The following SAMD5 variants were observed in gnomAD, a reference collection of about 807,000 sequenced individuals.
SAMD5 encodes the protein sterile alpha motif domain-containing protein 5.
SAMD5 carries 13 observed loss-of-function variants against 11.3 expected under a neutral mutation model. That is an observed-to-expected ratio of 1.15 (90% CI 0.75 to 1.83). The LOEUF is 1.83. Among genes scored for constraint, SAMD5 ranks in the 40% most tolerant of loss-of-function variants. SAMD5 has a pLI of 0.00. For missense variants in SAMD5, 255 were observed against 239.1 expected, an observed-to-expected ratio of 1.07 and a Z score of -0.44; for synonymous variants, 129 against 111.3, an observed-to-expected ratio of 1.16 and a Z score of -1.00.
the SAMD5 span, among the ~76,000 whole-genome samples, chr6:147,894,743 A>G: frequency 3.3e-5 from 5 of 152,318 alleles, no homozygotes; most frequent in East Asian, 3.9e-4. Flanking sequence ...GTGTTTTACT[A>G]TATTCAAGAC....
At chr6:147,739,938 GC>G (rs1791856106), downstream of SAMD5, among the ~76,000 whole-genome samples, 3 of 152,054 alleles carry the variant, frequency 2.0e-5, no homozygotes, top group South Asian at 6.2e-4. Context: ...TCCTGTCTCA[GC>G]CCCCCAAATA....
intron 1 of SAMD5, among the ~76,000 whole-genome samples, chr6:147,702,126 G>GA (rs538693308): frequency 5.9e-5 from 9 of 152,318 alleles, no homozygotes; most frequent in Middle Eastern, 3.4e-3. Flanking sequence ...AGAGCAAAGG[G>GA]ACATCTTACA....
the SAMD5 span, among the ~76,000 whole-genome samples, chr6:147,911,535 C>A: frequency 6.6e-6 from 1 of 152,176 alleles, no homozygotes; most frequent in African/African-American, 2.4e-5. Flanking sequence ...ATCTGTGGGG[C>A]AAAATATGTT....
Position 147,712,808 on chromosome 6 carries a change from T to TA in SAMD5, c.163-24495dup, listed in dbSNP as rs577741223. Among the ~76,000 whole-genome samples the TA allele has an allele frequency of 9.4e-3, 1,169 of 123,784 alleles. 10 individuals carry two copies. The highest frequency in any genetic ancestry group is 0.029 in the African/African-American group (816 of 28,212). 81.2% of individuals were successfully genotyped at this position (123,784 alleles called of 152,430 possible). Reference sequence around the variant, plus strand: ...TTAGACTTCCCAGCCTCTGGAACTATAAAAAAAAAAAAAAGTCTGTTGTTT... The same window carrying TA: ...TTAGACTTCCCAGCCTCTGGAACTATAAAAAAAAAAAAAAAGTCTGTTGTTT... On this transcript the variant is annotated intron_variant, in intron 1 of 1. Transcript: ENST00000566741.
intron 1 of SAMD5, among the ~76,000 whole-genome samples, chr6:147,549,689 G>A (rs1398736815): frequency 3.3e-5 from 5 of 151,836 alleles, no homozygotes; most frequent in African/African-American, 1.2e-4. Flanking sequence ...CTACATATGA[G>A]CCTTTGCCTC....
intron 1 of SAMD5, among the ~76,000 whole-genome samples, chr6:147,554,606 A>C (rs542687565): frequency 8.4e-4 from 128 of 152,306 alleles, no homozygotes; most frequent in African/African-American, 2.6e-3. Flanking sequence ...CAGGCAGAGC[A>C]GCCATCTTTG....
At chr6:147,811,252 C>CT in the SAMD5 span, among the ~76,000 whole-genome samples, 1 of 152,154 alleles carries the variant, frequency 6.6e-6, no homozygotes, top group African/African-American at 2.4e-5. Context: ...ACTGGCAACA[C>CT]TTAAACATCT....
intron 1 of SAMD5, among the ~76,000 whole-genome samples, chr6:147,663,033 C>A (rs1425249149): frequency 1.3e-5 from 2 of 152,108 alleles, no homozygotes; most frequent in African/African-American, 2.4e-5. Flanking sequence ...GTGTCATTAC[C>A]ACATTAGCAT....
rs140326319 is a variant in SAMD5 at position 147,730,196 on chromosome 6, C to T, written c.163-7121C>T. On this transcript the variant is annotated intron_variant, in intron 1 of 1. Coordinates refer to the SAMD5 transcript ENST00000566741. ...AAGAGCCTTGGGGGCATGCCTTTGG[C>T]TTTCACTCTTGTTGAAATTGGAAGA... 9.7e-3 allele frequency: 3,853 copies of T among 396,248 alleles called. 47 individuals carry two copies. Among genetic ancestry groups the T allele is most frequent in the Middle Eastern group, 0.04 (111 of 2,764 alleles). The allele number at this position is 396,248 out of a possible 1,614,324, so 24.5% of individuals were successfully genotyped here. A position where few individuals can be genotyped will look rare whatever the true frequency, so the allele number is the denominator to read the frequency against.
chr6:147,917,254 A>T, the SAMD5 span, among the ~76,000 whole-genome samples: 27 of 142,338 alleles, frequency 1.9e-4, no homozygotes, highest in East Asian at 6.1e-4. Context: ...CCATTCTAAC[A>T]GGTGTGAGAT....
At chr6:147,877,961 G>A in the SAMD5 span, among the ~76,000 whole-genome samples, 1 of 42,240 alleles carries the variant, frequency 2.4e-5, no homozygotes, top group African/African-American at 1.1e-4. Flanking sequence ...TGTCACTCAG[G>A]GTGGACATCA....
At chr6:147,739,142 A>G (rs1477947969), downstream of SAMD5, among the ~76,000 whole-genome samples, 8 of 152,232 alleles carry the variant, frequency 5.3e-5, no homozygotes, top group Non-Finnish European at 7.3e-5. Flanking sequence ...TTCCCTTCAG[A>G]CAGAGCAGGG....
chr6:147,825,696 A>G, the SAMD5 span, among the ~76,000 whole-genome samples: 1 of 152,188 alleles, frequency 6.6e-6, no homozygotes, highest in African/African-American at 2.4e-5. Flanking sequence ...GTGAATTATG[A>G]GCTGAAGATA....
chr6:147,715,411 A>G (rs1791452913), intron 1 of SAMD5, among the ~76,000 whole-genome samples: 1 of 152,202 alleles, frequency 6.6e-6, no homozygotes, highest in African/African-American at 2.4e-5. Context: ...GTGTACTGCA[A>G]GCAGCTTCCA....
the SAMD5 span, among the ~76,000 whole-genome samples, chr6:147,745,335 T>G: frequency 6.6e-6 from 1 of 152,158 alleles, no homozygotes; most frequent in African/African-American, 2.4e-5. Flanking sequence ...ATTTCCATAG[T>G]GAAAAAAAAT....
chr6:147,915,103 G>A, the SAMD5 span, among the ~76,000 whole-genome samples: 2 of 152,286 alleles, frequency 1.3e-5, no homozygotes, highest in African/African-American at 2.4e-5. Flanking sequence ...GTCAATTGAT[G>A]AAATTGGAAT....
At chr6:147,613,524 A>G (rs1336793666) in intron 1 of SAMD5, among the ~76,000 whole-genome samples, 2 of 151,594 alleles carry the variant, frequency 1.3e-5, no homozygotes, top group Middle Eastern at 3.2e-3. Context: ...GATATCCTGA[A>G]CAATGACCAC....
the SAMD5 span, among the ~76,000 whole-genome samples, chr6:147,828,010 T>C: frequency 6.6e-6 from 1 of 151,826 alleles, no homozygotes; most frequent in Non-Finnish European, 1.5e-5. Flanking sequence ...GTGGTCTCGA[T>C]CTCCTGACCT....
chr6:147,602,792 CT>C (rs2128448326), intron 1 of SAMD5, among the ~76,000 whole-genome samples: 1 of 149,168 alleles, frequency 6.7e-6, no homozygotes, highest in African/African-American at 2.5e-5. Context: ...AAAAAAAAAA[CT>C]CACCCAATAA....
Sources: allele counts gnomAD v4.1 joint callset (sites outside exome capture counted in the v4.1 genomes callset), GRCh38; gene constraint gnomAD v4.1.1; transcripts MANE v1.5; gene names NCBI Gene and HGNC (gene_info 2026-07-23, HGNC 2026-07-21).